SGMS1: variants seen among roughly 807,000 people sequenced by gnomAD.
SGMS1 encodes sphingomyelin synthase 1.
A neutral mutation model predicts 46.2 loss-of-function variants in SGMS1; 13 were observed. The observed-to-expected ratio is 0.28, with a 90% CI of 0.18 to 0.45. The LOEUF (loss-of-function observed/expected upper bound fraction) is 0.45. Ranked by LOEUF, SGMS1 falls within the 20% of genes least tolerant of loss-of-function variation. The probability of loss-of-function intolerance (pLI) is 1.00; values close to 1 mark genes in which losing one functional copy is unlikely to be tolerated. For missense variants in SGMS1, 324 were observed against 519.9 expected (o/e 0.62, Z 3.66); for synonymous variants, 203 against 187.8 (o/e 1.08, Z -0.66).
chr10:50,494,707 T>A (rs1386343676), intron 3 of SGMS1, among the ~76,000 whole-genome samples: 3 of 152,062 alleles, frequency 2.0e-5, no homozygotes, highest in Non-Finnish European at 4.4e-5. Context: ...GATGAAATAA[T>A]CTGTTCAACA....
At chr10:50,367,191 G>C (rs1477300127) in intron 6 of SGMS1, among the ~76,000 whole-genome samples, 1 of 152,112 alleles carries the variant, frequency 6.6e-6, no homozygotes, top group Non-Finnish European at 1.5e-5. Flanking sequence ...CTGAGAAAAA[G>C]TCTACCAAAG....
intron 3 of SGMS1, among the ~76,000 whole-genome samples, chr10:50,476,318 A>C: frequency 1.7e-5 from 1 of 58,182 alleles, no homozygotes; most frequent in South Asian, 7.8e-4. Context: ...AGGGGGAGGG[A>C]GAGAGGAGGG....
chr10:50,322,497 C>T (rs1189605887), intron 8 of SGMS1, among the ~76,000 whole-genome samples: 2 of 152,192 alleles, frequency 1.3e-5, no homozygotes, highest in Non-Finnish European at 2.9e-5. Flanking sequence ...AAATATTCTG[C>T]CCCTTTTCTA....
chr10:50,478,220 AAC>A (rs1252956490), intron 3 of SGMS1, among the ~76,000 whole-genome samples: 4 of 152,016 alleles, frequency 2.6e-5, no homozygotes, highest in Non-Finnish European at 5.9e-5. Flanking sequence ...CATAGCTAAA[AAC>A]ACAGTCAGAT....
chr10:50,324,681 T>G (rs1482963651), intron 8 of SGMS1, among the ~76,000 whole-genome samples: 1 of 152,232 alleles, frequency 6.6e-6, no homozygotes, highest in Admixed American at 6.5e-5. Context: ...CTATTCCACC[T>G]GGCAAATATT....
intron 3 of SGMS1, among the ~76,000 whole-genome samples, chr10:50,496,948 C>G (rs1837620374): frequency 6.6e-6 from 1 of 152,206 alleles, no homozygotes; most frequent in Non-Finnish European, 1.5e-5. Flanking sequence ...AGACACAAAC[C>G]CACAGCAGCC....
intron 4 of SGMS1, among the ~76,000 whole-genome samples, chr10:50,462,092 T>A (rs1268027851): frequency 6.6e-6 from 1 of 151,476 alleles, no homozygotes; most frequent in East Asian, 1.9e-4. Flanking sequence ...CGAGACCTCA[T>A]ATCTACAAAA....
chr10:50,352,304 T>C (rs1191091512), intron 6 of SGMS1, among the ~76,000 whole-genome samples: 1 of 152,022 alleles, frequency 6.6e-6, no homozygotes. Flanking sequence ...ACTGTGGTGT[T>C]TTTGAAAAGG....
At position 50,515,419 on chromosome 10, in the gene SGMS1, A is replaced by G. The variant is rs12243876; in HGVS notation, c.-498+4412T>C. On this transcript the variant is annotated intron_variant, in intron 3 of 10. Transcript: ENST00000361781. ...AGCACTCAGGTGAATTCTGTTAAAA[A>G]TCATGCTAATCATGCAACTCATAAC... Among the ~76,000 whole-genome samples, 669 of 152,342 alleles carry G rather than the reference A, an allele frequency of 4.4e-3. 5 individuals carry two copies. Among genetic ancestry groups the G allele is most frequent in the African/African-American group, 0.015 (635 of 41,574 alleles).
intron 2 of SGMS1, among the ~76,000 whole-genome samples, chr10:50,581,242 C>A (rs1838431374): frequency 6.6e-6 from 1 of 152,206 alleles, no homozygotes; most frequent in Non-Finnish European, 1.5e-5. Context: ...TTCTAATGTG[C>A]AGCCAGTGGT....
At chr10:50,335,585 C>T (rs184534240) in intron 7 of SGMS1, 1 of 152,208 alleles carries the variant, frequency 6.6e-6, no homozygotes, top group Non-Finnish European at 1.5e-5. Context: ...TAACCACATG[C>T]TTCACCACCA....
intron 5 of SGMS1, among the ~76,000 whole-genome samples, chr10:50,444,625 G>A (rs951098879): frequency 3.9e-5 from 6 of 152,032 alleles, no homozygotes; most frequent in Admixed American, 6.6e-5. Context: ...GAGTGGTTGC[G>A]TGCACCTGTA....
chr10:50,355,850 T>G lies in SGMS1; in HGVS notation c.-231-11505A>C, dbSNP rs567151686. Among the ~76,000 whole-genome samples the G allele has an allele frequency of 2.8e-3, 417 of 150,958 alleles. 1 individual carries two copies. The highest frequency in any genetic ancestry group is 7.1e-3 in the South Asian group (34 of 4,784). ...GGGGAGCGCCTCTGCCCCGCCGCCC[T>G]GTCTGAGATGTGAAGAGCGCCTCTG... On this transcript the variant is annotated intron_variant, in intron 6 of 10. Transcript: ENST00000361781.
rs1471724878 is a variant in SGMS1 at position 50,343,519 on chromosome 10, A to G, written c.596T>C (p.Leu199Ser). Reference sequence around the variant, plus strand: ...GTATTTTAAGAGCAGCCACTGAATTAACCAGAGTCCTACAAGGATCATGCC... The same window carrying G: ...GTATTTTAAGAGCAGCCACTGAATTGACCAGAGTCCTACAAGGATCATGCC... ...INGMILVGLW[L>S]IQWLLLKYKS... Residue 199 changes from leucine to serine, a missense_variant, in exon 7 of 11, where the codon TTA (leucine) becomes TCA (serine). Leu to Ser is a moderately radical substitution (Grantham distance 145). Transcript: ENST00000361781. The G allele has an allele frequency of 6.2e-7, 1 of 1,611,850 alleles. No individual in the cohort carries two copies. Among genetic ancestry groups the G allele is most frequent in the South Asian group, 1.1e-5 (1 of 90,904 alleles).
chr10:50,587,978 C>T (rs1287146442), intron 2 of SGMS1, among the ~76,000 whole-genome samples: 2 of 152,058 alleles, frequency 1.3e-5, no homozygotes, highest in African/African-American at 4.8e-5. Flanking sequence ...TTTAAAATCA[C>T]CATATCTCAG....
chr10:50,610,661 T>C lies in SGMS1; in HGVS notation c.-684+13046A>G, dbSNP rs147913594. Among the ~76,000 whole-genome samples the C allele has an allele frequency of 1.1e-3, 167 of 152,306 alleles. 3 individuals carry two copies. In the East Asian group the frequency reaches 0.024, roughly 22 times the overall value. On this transcript the variant is annotated intron_variant, in intron 1 of 10. Transcript: ENST00000361781. ...TCAAAGTAACTTAGTTGTCACTACA[T>C]GGACCACAGCAGTAAAGCAAATGTT...
chr10:50,364,949 A>C (rs915455304), intron 6 of SGMS1, among the ~76,000 whole-genome samples: 3 of 152,106 alleles, frequency 2.0e-5, no homozygotes, highest in Non-Finnish European at 4.4e-5. Context: ...GCACCCAGTC[A>C]CCACGCCTAA....
chr10:50,495,351 C>T (rs1837606325), intron 3 of SGMS1, among the ~76,000 whole-genome samples: 2 of 150,420 alleles, frequency 1.3e-5, no homozygotes, highest in South Asian at 4.2e-4. Flanking sequence ...TAAAATTTGG[C>T]TAAAATGCCT....
At chr10:50,421,809 A>G (rs1463851662) in intron 6 of SGMS1, among the ~76,000 whole-genome samples, 2 of 152,006 alleles carry the variant, frequency 1.3e-5, no homozygotes, top group Non-Finnish European at 2.9e-5. Flanking sequence ...TGTAGTTGGG[A>G]GCCATGCTCA....
Sources: allele counts gnomAD v4.1 joint callset (sites outside exome capture counted in the v4.1 genomes callset), GRCh38; gene constraint gnomAD v4.1.1; transcripts MANE v1.5; gene names NCBI Gene and HGNC (gene_info 2026-07-23, HGNC 2026-07-21).